Variants in ANXA8 observed in about 807,000 individuals in gnomAD.
ANXA8 encodes the protein annexin A8, also known as VAC-beta.
A neutral mutation model predicts 26.8 loss-of-function variants in ANXA8; 9 were observed. The observed-to-expected ratio is 0.34, with a 90% CI of 0.20 to 0.59. The LOEUF is 0.59. Ranked by LOEUF, ANXA8 falls within the 20% of genes least tolerant of loss-of-function variation. ANXA8 has a pLI of 0.84. For missense variants in ANXA8, 83 were observed against 238.5 expected, an observed-to-expected ratio of 0.35 and a Z score of 4.29; for synonymous variants, 39 against 94.8, an observed-to-expected ratio of 0.41 and a Z score of 3.42.
chr10:47,681,177 T>C, the ANXA8 span, among the ~76,000 whole-genome samples: 1 of 151,770 alleles, frequency 6.6e-6, no homozygotes, highest in Non-Finnish European at 1.5e-5. Context: ...GGTCAAACCC[T>C]GAATGAACGT....
the ANXA8 span, among the ~76,000 whole-genome samples, chr10:47,548,564 G>C: frequency 6.6e-6 from 1 of 151,736 alleles, no homozygotes; most frequent in Non-Finnish European, 1.5e-5. Flanking sequence ...GTCTCCCAAA[G>C]TGCTGGGATT....
chr10:47,647,348 T>G, the ANXA8 span, among the ~76,000 whole-genome samples: 1 of 151,420 alleles, frequency 6.6e-6, no homozygotes, highest in Non-Finnish European at 1.5e-5. Context: ...ATACTGACAT[T>G]GTTCAATTCA....
At chr10:47,991,717 G>A in the ANXA8 span, 29 of 1,611,104 alleles carry the variant, frequency 1.8e-5, no homozygotes, top group Non-Finnish European at 2.2e-5. Flanking sequence ...CACTTCGGGG[G>A]CACCTTTCTC....
At chr10:47,558,148 T>C in the ANXA8 span, among the ~76,000 whole-genome samples, 1,879 of 152,088 alleles carry the variant, frequency 0.012, 69 homozygotes, top group African/African-American at 0.043. Flanking sequence ...TTAGTTGGTT[T>C]CTGTTCAGAA....
At chr10:47,669,645 G>A in the ANXA8 span, among the ~76,000 whole-genome samples, 1 of 151,534 alleles carries the variant, frequency 6.6e-6, no homozygotes, top group Admixed American at 6.6e-5. Context: ...AGCCTGGGAT[G>A]TGGAGGTTGC....
At chr10:47,958,674 T>C in the ANXA8 span, among the ~76,000 whole-genome samples, 1 of 147,734 alleles carries the variant, frequency 6.8e-6, no homozygotes, top group Non-Finnish European at 1.5e-5. Context: ...AGAAGCCAGT[T>C]GTATTAGTCC....
the ANXA8 span, among the ~76,000 whole-genome samples, chr10:47,777,290 C>G: frequency 1.3e-5 from 2 of 151,598 alleles, no homozygotes; most frequent in Middle Eastern, 3.4e-3. Context: ...GGAGGGACAG[C>G]CTGCACCATC....
At chr10:47,590,507 T>C in the ANXA8 span, among the ~76,000 whole-genome samples, 4 of 146,696 alleles carry the variant, frequency 2.7e-5, no homozygotes, top group South Asian at 4.2e-4. Context: ...ATAATCTCCT[T>C]AGGAGCACAG....
chr10:47,939,043 C>T, the ANXA8 span, among the ~76,000 whole-genome samples: 2 of 145,070 alleles, frequency 1.4e-5, no homozygotes, highest in Non-Finnish European at 3.0e-5. Context: ...TTCTACACTC[C>T]TGGCCACCAC....
the ANXA8 span, among the ~76,000 whole-genome samples, chr10:47,708,681 C>T: frequency 6.6e-6 from 1 of 152,004 alleles, no homozygotes; most frequent in Non-Finnish European, 1.5e-5. Context: ...GAAAAGACTT[C>T]TGTTCTTTCA....
At chr10:47,651,758 G>A in the ANXA8 span, among the ~76,000 whole-genome samples, 3 of 151,878 alleles carry the variant, frequency 2.0e-5, no homozygotes, top group African/African-American at 4.9e-5. Flanking sequence ...GCCGAACATG[G>A]TGGCTTATGC....
the ANXA8 span, among the ~76,000 whole-genome samples, chr10:47,744,462 C>CCTGCAAGGTAATGTACATTACCTG: frequency 1.2e-5 from 1 of 81,608 alleles, no homozygotes; most frequent in Non-Finnish European, 2.4e-5. Context: ...TGCAGATTTA[C>CCTGCAAGGTAATGTACATTACCTG]CAAGCTGATG....
the ANXA8 span, among the ~76,000 whole-genome samples, chr10:47,748,985 TC>T: frequency 1.0e-5 from 1 of 98,588 alleles, no homozygotes; most frequent in Non-Finnish European, 2.1e-5. Context: ...GTAATCCCAG[TC>T]CTTTGGGAGG....
the ANXA8 span, among the ~76,000 whole-genome samples, chr10:47,939,694 T>C: frequency 1.4e-5 from 2 of 142,086 alleles, no homozygotes; most frequent in East Asian, 2.2e-4. Flanking sequence ...GTTATTCCTA[T>C]TGTGAACCAC....
chr10:47,768,695 TG>T, the ANXA8 span, among the ~76,000 whole-genome samples: 2 of 151,086 alleles, frequency 1.3e-5, no homozygotes, highest in African/African-American at 4.9e-5. Context: ...GCCCAGAGAG[TG>T]GGGGATTCAA....
chr10:47,692,594 G>A, the ANXA8 span: 1 of 89,176 alleles, frequency 1.1e-5, no homozygotes, highest in South Asian at 3.9e-4. Context: ...ACTCCCAGGA[G>A]GTCACTATAT....
the ANXA8 span, among the ~76,000 whole-genome samples, chr10:47,960,575 A>G: frequency 6.0e-5 from 9 of 149,926 alleles, no homozygotes; most frequent in Admixed American, 2.6e-4. Context: ...TTTTTGTAAT[A>G]GTACATTTTA....
chr10:47,736,986 G>A, the ANXA8 span, among the ~76,000 whole-genome samples: 2 of 151,512 alleles, frequency 1.3e-5, no homozygotes, highest in African/African-American at 4.9e-5. Flanking sequence ...TAAAGTGATT[G>A]TACATTTGCT....
At chr10:47,572,304 A>G in the ANXA8 span, among the ~76,000 whole-genome samples, 1 of 145,632 alleles carries the variant, frequency 6.9e-6, no homozygotes, top group East Asian at 2.0e-4. Flanking sequence ...TCATCCCCTT[A>G]TATCTCTGTG....
Sources: gnomAD v4.1 joint callset for allele counts (sites outside exome capture counted in the v4.1 genomes callset) on GRCh38, gnomAD v4.1.1 for gene constraint, MANE v1.5 for transcripts, NCBI Gene and HGNC (gene_info 2026-07-23, HGNC 2026-07-21) for gene names.